FZD3: variants seen among roughly 807,000 people sequenced by gnomAD.
FZD3 encodes the protein frizzled-3.
A neutral mutation model predicts 60.7 loss-of-function variants in FZD3; 30 were observed. That is an observed-to-expected ratio of 0.49 (90% CI 0.37 to 0.67). The LOEUF (loss-of-function observed/expected upper bound fraction) is 0.67, where lower values mean the gene tolerates loss of function less well. Among genes scored for constraint, FZD3 ranks in the 30% least tolerant of loss-of-function variants. The probability of loss-of-function intolerance (pLI) is 0.00; values close to 1 mark genes in which losing one functional copy is unlikely to be tolerated. For synonymous variants in FZD3, 246 were observed against 275.2 expected, an observed-to-expected ratio of 0.89 and a Z score of 1.05; for missense variants, 605 against 838.7, an observed-to-expected ratio of 0.72 and a Z score of 3.44.
chr8:28,511,310 A>G (rs543780070), intron 3 of FZD3, among the ~76,000 whole-genome samples: 2 of 152,020 alleles, frequency 1.3e-5, no homozygotes, highest in South Asian at 4.2e-4. Context: ...ACATGGTGAA[A>G]CCCCGTCTCT....
chr8:28,542,560 C>T lies in FZD3; in HGVS notation c.1405-9043C>T, dbSNP rs544879014. On this transcript the variant is annotated intron_variant, in intron 5 of 7. Coordinates refer to ENST00000240093, the MANE Select transcript of FZD3 (RefSeq NM_017412.4). The stretch of plus-strand genomic sequence containing the variant: ...GGCTGATGTAGGAGAATCGCTTGAA[C>T]CCAGGAGGCAGAGGTTGCAGTGAGC... Among the ~76,000 whole-genome samples the T allele has an allele frequency of 8.8e-4, 134 of 152,272 alleles. 2 individuals are homozygous for T. Among genetic ancestry groups the T allele is most frequent in the African/African-American group, 3.2e-3 (131 of 41,542 alleles).
chr8:28,571,978 T>G lies in FZD3; in HGVS notation c.*8967T>G, dbSNP rs1805814066. On this transcript the variant is annotated 3_prime_UTR_variant, in exon 8 of 8. Coordinates refer to ENST00000240093, the MANE Select transcript of FZD3 (RefSeq NM_017412.4). ...GTAAATGTATCATAATTAATAGTAA[T>G]TATGAGTTATTTCACTCTCTGTAAT... The G allele has an allele frequency of 1.3e-5, 2 of 152,232 alleles. No homozygotes were observed. Among genetic ancestry groups the G allele is most frequent in the South Asian group, 4.1e-4 (2 of 4,834 alleles). The allele number at this position is 152,232 out of a possible 1,614,324, so 9.4% of individuals were successfully genotyped here. A position where few individuals can be genotyped will look rare whatever the true frequency, so the allele number is the denominator to read the frequency against.
At chr8:28,543,788 C>T (rs1805231460) in intron 5 of FZD3, among the ~76,000 whole-genome samples, 1 of 151,712 alleles carries the variant, frequency 6.6e-6, no homozygotes, top group Non-Finnish European at 1.5e-5. Context: ...ATTTTTTAAT[C>T]ATGGAAAAGG....
At chr8:28,559,217 G>A (rs1805570904) in intron 7 of FZD3, among the ~76,000 whole-genome samples, 1 of 152,174 alleles carries the variant, frequency 6.6e-6, no homozygotes, top group Admixed American at 6.6e-5. Flanking sequence ...ATATAAGGTA[G>A]TTGGCAATTA....
At position 28,569,205 on chromosome 8, in the gene FZD3, T is replaced by C. The variant is rs1267073271; in HGVS notation, c.*6194T>C. The C allele has an allele frequency of 6.6e-6, 1 of 151,584 alleles. No individual in the cohort carries two copies. The highest frequency in any genetic ancestry group is 1.9e-4 in the East Asian group (1 of 5,194). 9.4% of individuals were successfully genotyped at this position (151,584 alleles called of 1,614,324 possible). On this transcript the variant is annotated 3_prime_UTR_variant, in exon 8 of 8. Transcript: ENST00000240093. Reference sequence around the variant, plus strand: ...TGGTTTTTTTTTTTAACTTAGAGCTTAATAATTTCTATTTTCTATCCTGGA... The same window carrying C: ...TGGTTTTTTTTTTTAACTTAGAGCTCAATAATTTCTATTTTCTATCCTGGA...
intron 4 of FZD3, among the ~76,000 whole-genome samples, chr8:28,522,024 C>T (rs544051473): frequency 4.6e-5 from 7 of 152,042 alleles, no homozygotes; most frequent in East Asian, 3.9e-4. Flanking sequence ...CCTCACTTAA[C>T]GTTGTTGATA....
chr8:28,528,272 C>T, intron 5 of FZD3, 108 bp downstream of exon 5: 1 of 759,954 alleles, frequency 1.3e-6, no homozygotes, highest in East Asian at 2.6e-5. Context: ...GAACCTTCAA[C>T]TTGTACATTA....
intron 3 of FZD3, among the ~76,000 whole-genome samples, chr8:28,515,429 G>C (rs1382809324): frequency 1.2e-4 from 18 of 152,220 alleles, no homozygotes; most frequent in Non-Finnish European, 2.1e-4. Flanking sequence ...CGGGTGACTT[G>C]AGAGATCAAG....
Position 28,566,448 on chromosome 8 carries a change from A to C in FZD3, c.*3437A>C, listed in dbSNP as rs2130485075. 1 of 152,248 alleles carries C rather than the reference A, an allele frequency of 6.6e-6. No individual in the cohort carries two copies. The highest frequency in any genetic ancestry group is 2.1e-4 in the South Asian group (1 of 4,822). The allele number at this position is 152,248 out of a possible 1,614,324, so 9.4% of individuals were successfully genotyped here. ...AGCTGAGTAAATGAATCTTCAAATC[A>C]ACCTTTCTTTTTCTGCTGCTCTTAG... On this transcript the variant is annotated 3_prime_UTR_variant, in exon 8 of 8. Coordinates refer to ENST00000240093, the MANE Select transcript of FZD3 (RefSeq NM_017412.4).
intron 1 of FZD3, among the ~76,000 whole-genome samples, chr8:28,498,276 G>A (rs1435502506): frequency 6.6e-6 from 1 of 151,502 alleles, no homozygotes; most frequent in East Asian, 1.9e-4. Flanking sequence ...AATCTAATAG[G>A]TCCCCCCCCT....
chr8:28,545,633 T>A (rs983805011), intron 5 of FZD3, among the ~76,000 whole-genome samples: 1 of 152,208 alleles, frequency 6.6e-6, no homozygotes, highest in African/African-American at 2.4e-5. Flanking sequence ...CCAGCCATCA[T>A]CTGACTGCAG....
At chr8:28,523,429 A>G (rs542165967) in intron 4 of FZD3, among the ~76,000 whole-genome samples, 1 of 151,896 alleles carries the variant, frequency 6.6e-6, no homozygotes, top group Non-Finnish European at 1.5e-5. Context: ...CAAAGACCTC[A>G]CTTCATTTTT....
rs73559486 is a variant in FZD3 at position 28,555,604 on chromosome 8, C to G, written c.1554-134C>G. 4,505 of 631,114 alleles carry G rather than the reference C, an allele frequency of 7.1e-3. 138 individuals carry two copies. In the African/African-American group the frequency reaches 0.074, roughly 10 times the overall value. The allele number at this position is 631,114 out of a possible 1,614,324, so 39.1% of individuals were successfully genotyped here. Reference sequence around the variant, plus strand: ...ATTCTTTCCTCTGTCAACAATGTTTCTTCATGTCAGTCCTATAGATCTAAT... The same window carrying G: ...ATTCTTTCCTCTGTCAACAATGTTTGTTCATGTCAGTCCTATAGATCTAAT... On this transcript the variant is annotated intron_variant, in intron 6 of 7. Coordinates refer to ENST00000240093, the MANE Select transcript of FZD3 (RefSeq NM_017412.4).
At chr8:28,539,617 G>C (rs761938977) in intron 5 of FZD3, among the ~76,000 whole-genome samples, 1 of 152,156 alleles carries the variant, frequency 6.6e-6, no homozygotes, top group African/African-American at 2.4e-5. Flanking sequence ...GACAGACTCT[G>C]TATGAACCTG....
chr8:28,513,302 T>A (rs1804337036), intron 3 of FZD3, among the ~76,000 whole-genome samples: 1 of 152,198 alleles, frequency 6.6e-6, no homozygotes, highest in African/African-American at 2.4e-5. Flanking sequence ...GTCCATGATA[T>A]TGGAAATATT....
At chr8:28,534,620 C>T (rs894217663) in intron 5 of FZD3, among the ~76,000 whole-genome samples, 1 of 152,188 alleles carries the variant, frequency 6.6e-6, no homozygotes, top group Non-Finnish European at 1.5e-5. Context: ...CCCCATTCTT[C>T]TTCCCCACAT....
At chr8:28,517,439 C>T (rs576247565) in intron 3 of FZD3, among the ~76,000 whole-genome samples, 2 of 152,306 alleles carry the variant, frequency 1.3e-5, no homozygotes, top group Non-Finnish European at 2.9e-5. Context: ...TTGCGGTTTG[C>T]ACAACTTCTC....
rs972166551 is a variant in FZD3, at chr8:28,564,719, C to T, written c.*1708C>T. 1.3e-5 allele frequency: 2 copies of T among 152,210 alleles called. No homozygotes were observed. Among genetic ancestry groups the T allele is most frequent in the Non-Finnish European group, 2.9e-5 (2 of 68,040 alleles). 9.4% of individuals were successfully genotyped at this position (152,210 alleles called of 1,614,324 possible). A position where few individuals can be genotyped will look rare whatever the true frequency, so the allele number is the denominator to read the frequency against. ...AGTTATAAAAATACCGCAGGTGATT[C>T]TTACGGAGGTAATCCAAGAATCATA... On this transcript the variant is annotated 3_prime_UTR_variant, in exon 8 of 8. Transcript: ENST00000240093.
At chr8:28,549,292 T>C (rs1805360863) in intron 5 of FZD3, among the ~76,000 whole-genome samples, 1 of 152,196 alleles carries the variant, frequency 6.6e-6, no homozygotes, top group Admixed American at 6.5e-5. Flanking sequence ...TCTGAGGTAC[T>C]GGGAGTTAGG....
Sources: allele counts gnomAD v4.1 joint callset (sites outside exome capture counted in the v4.1 genomes callset), GRCh38; gene constraint gnomAD v4.1.1; transcripts MANE v1.5; gene names NCBI Gene and HGNC (gene_info 2026-07-23, HGNC 2026-07-21).